Variants in FGF14 observed in about 807,000 individuals in gnomAD.
The protein encoded by FGF14 is fibroblast growth factor homologous factor 4.
FGF14 carries 5 observed loss-of-function variants against 25.5 expected under a neutral mutation model. The ratio of observed to expected loss-of-function variants is 0.20; its 90% CI spans 0.10 to 0.41. The LOEUF is 0.41. Among genes scored for constraint, FGF14 ranks in the 10% least tolerant of loss-of-function variants. FGF14 has a pLI of 1.00. For missense variants in FGF14, 222 were observed against 320.1 expected (o/e 0.69, Z 2.34); for synonymous variants, 138 against 118.3 (o/e 1.17, Z -1.08).
At chr13:102,020,860 G>A (rs2040607109) in intron 1 of FGF14, among the ~76,000 whole-genome samples, 1 of 151,728 alleles carries the variant, frequency 6.6e-6, no homozygotes. Context: ...GCAGCATGAT[G>A]ACCAAATTGA....
At chr13:102,230,283 G>C (rs2051019776) in intron 1 of FGF14, among the ~76,000 whole-genome samples, 1 of 152,162 alleles carries the variant, frequency 6.6e-6, no homozygotes, top group Non-Finnish European at 1.5e-5. Context: ...AATGCTTGTT[G>C]TTTATAAACC....
At chr13:102,200,845 G>A (rs2049587997) in intron 1 of FGF14, among the ~76,000 whole-genome samples, 1 of 152,056 alleles carries the variant, frequency 6.6e-6, no homozygotes, top group Non-Finnish European at 1.5e-5. Flanking sequence ...GCTCATGCCT[G>A]TAATCCCAGC....
At chr13:102,360,008 AC>A (rs1806328789) in intron 1 of FGF14, among the ~76,000 whole-genome samples, 2 of 140,050 alleles carry the variant, frequency 1.4e-5, no homozygotes, top group South Asian at 4.4e-4. Flanking sequence ...CAACCAAAAA[AC>A]ACGATGATGT....
At chr13:102,259,334 T>C (rs925315581) in intron 1 of FGF14, among the ~76,000 whole-genome samples, 4 of 152,116 alleles carry the variant, frequency 2.6e-5, no homozygotes, top group African/African-American at 9.7e-5. Context: ...CCCCACCCCC[T>C]GCCATCTCTC....
At chr13:101,992,939 G>A (rs2038983680) in intron 1 of FGF14, among the ~76,000 whole-genome samples, 1 of 151,900 alleles carries the variant, frequency 6.6e-6, no homozygotes, top group Non-Finnish European at 1.5e-5. Context: ...GAATTTCCCA[G>A]AATTAACGAT....
intron 1 of FGF14, among the ~76,000 whole-genome samples, chr13:102,232,431 T>C (rs937436186): frequency 1.3e-5 from 2 of 152,220 alleles, no homozygotes; most frequent in African/African-American, 2.4e-5. Flanking sequence ...GTGACAATTA[T>C]ATTCTGTTAG....
intron 3 of FGF14, among the ~76,000 whole-genome samples, chr13:101,857,209 C>T (rs914774863): frequency 6.6e-6 from 1 of 151,960 alleles, no homozygotes. Context: ...ATGATTTCTG[C>T]TAAATAATAG....
At chr13:102,394,184 C>T (rs1483246778) in intron 1 of FGF14, among the ~76,000 whole-genome samples, 12 of 152,250 alleles carry the variant, frequency 7.9e-5, no homozygotes, top group Admixed American at 5.9e-4. Flanking sequence ...GCAGAATCAC[C>T]AGCAACGCCA....
intron 1 of FGF14, among the ~76,000 whole-genome samples, chr13:102,236,102 T>G (rs892879627): frequency 6.6e-6 from 1 of 152,208 alleles, no homozygotes; most frequent in Non-Finnish European, 1.5e-5. Context: ...CTCTGTTGTC[T>G]TATACGTAAA....
chr13:101,928,395 G>GGTGTGTGTGT (rs149758126), intron 1 of FGF14, among the ~76,000 whole-genome samples: 158 of 148,030 alleles, frequency 1.1e-3, no homozygotes, highest in African/African-American at 3.8e-3. Context: ...AACTTGCTGT[G>GGTGTGTGTGT]GTGTGTGTGT....
At chr13:102,164,165 G>T (rs2047900180) in intron 1 of FGF14, among the ~76,000 whole-genome samples, 2 of 152,142 alleles carry the variant, frequency 1.3e-5, no homozygotes, top group African/African-American at 4.8e-5. Context: ...AATGCCATAG[G>T]ACCACAGGAC....
intron 3 of FGF14, among the ~76,000 whole-genome samples, chr13:101,824,515 T>A (rs910882135): frequency 1.3e-5 from 2 of 152,216 alleles, no homozygotes; most frequent in African/African-American, 4.8e-5. Context: ...GCCATTTTCA[T>A]CTAAGGTAAA....
chr13:102,081,076 G>A (rs2043595501), intron 1 of FGF14, among the ~76,000 whole-genome samples: 1 of 152,206 alleles, frequency 6.6e-6, no homozygotes, highest in Non-Finnish European at 1.5e-5. Flanking sequence ...AGAGAAGGTT[G>A]AAATAGCAGG....
At chr13:101,869,587 A>C (rs2044934177) in intron 2 of FGF14, among the ~76,000 whole-genome samples, 1 of 152,186 alleles carries the variant, frequency 6.6e-6, no homozygotes, top group Non-Finnish European at 1.5e-5. Flanking sequence ...TCAGTCTTAG[A>C]GATAACTGCT....
chr13:102,230,489 C>G (rs2051033380), intron 1 of FGF14, among the ~76,000 whole-genome samples: 2 of 152,036 alleles, frequency 1.3e-5, no homozygotes, highest in South Asian at 4.1e-4. Flanking sequence ...ACTGGGAGTA[C>G]AAAGGAAAAA....
chr13:101,729,606 T>G (rs116777759), intron 3 of FGF14, among the ~76,000 whole-genome samples: 76 of 152,204 alleles, frequency 5.0e-4, no homozygotes, highest in Middle Eastern at 3.4e-3. Flanking sequence ...AATAAGGTAG[T>G]TGGGATGATT....
chr13:102,298,875 A>C (rs1255064582), intron 1 of FGF14, among the ~76,000 whole-genome samples: 1 of 152,196 alleles, frequency 6.6e-6, no homozygotes, highest in Admixed American at 6.5e-5. Flanking sequence ...CTATTTTCTA[A>C]GAACTCTTAA....
intron 1 of FGF14, among the ~76,000 whole-genome samples, chr13:101,884,546 T>C (rs921603848): frequency 6.6e-5 from 10 of 152,044 alleles, no homozygotes; most frequent in African/African-American, 1.7e-4. Context: ...GCCTGTCATA[T>C]AGTAGGTGCT....
chr13:102,350,987 G>A (rs117992688), intron 1 of FGF14, among the ~76,000 whole-genome samples: 3 of 152,156 alleles, frequency 2.0e-5, no homozygotes, highest in Non-Finnish European at 4.4e-5. Context: ...CAACACCCAC[G>A]TTGCTCCTCC....
Sources: allele counts gnomAD v4.1 joint callset (sites outside exome capture counted in the v4.1 genomes callset), GRCh38; gene constraint gnomAD v4.1.1; transcripts MANE v1.5; gene names NCBI Gene and HGNC (gene_info 2026-07-23, HGNC 2026-07-21).